PNISR: variants seen among roughly 807,000 people sequenced by gnomAD.
The protein encoded by PNISR is PNN interacting serine and arginine rich protein, also known as arginine/serine-rich protein PNISR.
In PNISR, 20 loss-of-function variants were observed where a neutral mutation model predicts 93.4. The ratio of observed to expected loss-of-function variants is 0.21; its 90% confidence interval spans 0.15 to 0.31. The LOEUF (loss-of-function observed/expected upper bound fraction) is 0.31. Among genes scored for constraint, PNISR ranks in the 10% least tolerant of loss-of-function variants. The pLI is 1.00. For missense variants in PNISR, 893 were observed against 985.4 expected (o/e 0.91, Z 1.25); for synonymous variants, 305 against 306.5 (o/e 0.99, Z 0.05).
intron 1 of PNISR, among the ~76,000 whole-genome samples, chr6:99,422,357 TACA>T (rs1367969076): frequency 6.6e-6 from 1 of 152,028 alleles, no homozygotes; most frequent in Non-Finnish European, 1.5e-5. Context: ...AGCCAGAAAA[TACA>T]ACAATCCTCT....
At chr6:99,416,861 T>A (rs1340615320) in intron 1 of PNISR, among the ~76,000 whole-genome samples, 1 of 152,236 alleles carries the variant, frequency 6.6e-6, no homozygotes, top group Non-Finnish European at 1.5e-5. Context: ...AGTTTGTTCC[T>A]GAAATGGTTT....
chr6:99,417,881 T>C (rs1163166372), intron 1 of PNISR, among the ~76,000 whole-genome samples: 2 of 150,364 alleles, frequency 1.3e-5, no homozygotes, highest in East Asian at 2.0e-4. Context: ...GACAGGAGAA[T>C]TGCTTGAATC....
At chr6:99,406,009 A>G in intron 8 of PNISR, 22 bp downstream of exon 8, 1 of 1,564,732 alleles carries the variant, frequency 6.4e-7, no homozygotes, top group Non-Finnish European at 8.7e-7. Flanking sequence ...CCATGTACAT[A>G]GTAAGAACTT....
Position 99,412,673 on chromosome 6 carries a change from C to A in PNISR, c.155G>T (p.Ser52Ile). The stretch of plus-strand genomic sequence containing the variant: ...CATTCCTGGTGGTTGTTCTACCATG[C>A]TTTGCTGTCCTGAAGCTTCTCTTTG... ...IAQREASGQQ[S>I]MVEQPPGMMP... Residue 52 changes from serine (S) to isoleucine (I), a missense_variant, in exon 4 of 12, where the codon AGC (serine) becomes ATC (isoleucine). Coordinates refer to ENST00000369239, the MANE Select transcript of PNISR (RefSeq NM_032870.4). The A allele has an allele frequency of 6.2e-7, 1 of 1,612,378 alleles. No individual in the cohort carries two copies. Among genetic ancestry groups the A allele is most frequent in the Non-Finnish European group, 8.5e-7 (1 of 1,179,206 alleles).
At position 99,413,422 on chromosome 6, in the gene PNISR, CCATCCATCCATCCATT is replaced by C. The variant is rs1312029352; in HGVS notation, c.89-699_89-684del. On this transcript the variant is annotated intron_variant, in intron 3 of 11. Coordinates refer to ENST00000369239, the MANE Select transcript of PNISR (RefSeq NM_032870.4). ...TCCATCCATCCATCCATCCATCCAT[CCATCCATCCATCCATT>C]CATCCATGATCCATCCATCCATCCA... Among the ~76,000 whole-genome samples the C allele has an allele frequency of 4.8e-4, 73 of 151,648 alleles. 2 individuals carry two copies. The highest frequency in any genetic ancestry group is 2.1e-4 in the South Asian group (1 of 4,810).
chr6:99,411,471 G>C (rs1418699221), intron 4 of PNISR, among the ~76,000 whole-genome samples: 3 of 152,148 alleles, frequency 2.0e-5, no homozygotes, highest in Non-Finnish European at 2.9e-5. Flanking sequence ...ATGCCCGCGG[G>C]AGTCATTTAA....
Position 99,410,806 on chromosome 6 carries a change from T to A in PNISR, c.436A>T (p.Asn146Tyr). Residue 146 changes from asparagine to tyrosine, a missense_variant, in exon 5 of 12, where the codon AAT becomes TAT. By Grantham distance (143) the Asn-to-Tyr change is moderately radical. This residue lies in a region of PNISR where 866 missense variants were observed against 935.1 expected (regional missense o/e 0.93). Coordinates refer to ENST00000369239, the MANE Select transcript of PNISR (RefSeq NM_032870.4). ...TCGGGTGGTCCACCAAAGTTGTGAT[T>A]GTTCTGGTTAAATATATGCCTGTTG... is the stretch of plus-strand genomic sequence containing the variant. The part of the protein sequence containing the change: ...PDNRHIFNQN[N>Y]HNFGGPPDNF... 6.2e-7 allele frequency: 1 copy of A among 1,614,142 alleles called. No homozygotes were observed. Among genetic ancestry groups the A allele is most frequent in the Non-Finnish European group, 8.5e-7 (1 of 1,180,006 alleles).
At chr6:99,413,932 A>G (rs1777320349) in intron 3 of PNISR, among the ~76,000 whole-genome samples, 1 of 152,228 alleles carries the variant, frequency 6.6e-6, no homozygotes, top group Admixed American at 6.5e-5. Context: ...GATTATGCTA[A>G]TTGTTTCAAA....
At chr6:99,417,117 A>G (rs1777803143) in intron 1 of PNISR, among the ~76,000 whole-genome samples, 1 of 152,236 alleles carries the variant, frequency 6.6e-6, no homozygotes, top group Admixed American at 6.5e-5. Context: ...AGTTCAATGC[A>G]TAATTTTTCT....
intron 9 of PNISR, chr6:99,404,175 G>T: frequency 2.5e-6 from 1 of 400,772 alleles, no homozygotes. Flanking sequence ...ACATTTTTAA[G>T]GTGTTACTAA....
In PNISR at chr6:99,401,633, G is replaced by A; in HGVS notation, c.1328-3C>T. The A allele has an allele frequency of 6.6e-7, 1 of 1,515,608 alleles. No homozygotes were observed. Among genetic ancestry groups the A allele is most frequent in the Non-Finnish European group, 8.8e-7 (1 of 1,137,820 alleles). The allele number at this position is 1,515,608 out of a possible 1,614,324, so 93.9% of individuals were successfully genotyped here. ...CCTTTCTGTTTGCTGCTTTTCTTCT[G>A]AAACAGAAAAAGACAAAAACACTAA... On this transcript the variant is annotated splice_polypyrimidine_tract_variant and splice_region_variant and intron_variant, in intron 11 of 11. Coordinates refer to ENST00000369239, the MANE Select transcript of PNISR (RefSeq NM_032870.4).
intron 1 of PNISR, among the ~76,000 whole-genome samples, chr6:99,422,476 T>A (rs576250939): frequency 2.6e-5 from 4 of 152,310 alleles, no homozygotes; most frequent in South Asian, 2.1e-4. Flanking sequence ...TAAAAATTAA[T>A]CTTGTAATCA....
chr6:99,413,511 C>T (rs1022229145), intron 3 of PNISR, among the ~76,000 whole-genome samples: 1 of 151,816 alleles, frequency 6.6e-6, no homozygotes, highest in African/African-American at 2.4e-5. Flanking sequence ...TTTTTGGTAG[C>T]GATGGGGTTT....
chr6:99,400,956 C>G lies in PNISR; in HGVS notation c.2002G>C (p.Glu668Gln). The change falls in exon 12 of 12, where the codon GAG (glutamate) becomes CAG (glutamine). Residue 668 changes from glutamate (E) to glutamine (Q), a missense_variant. Physicochemically the swap from Glu to Gln is conservative, Grantham distance 29. Coordinates refer to ENST00000369239, the MANE Select transcript of PNISR (RefSeq NM_032870.4). ...GEAKEQERKKERSRSIDKDRK... is the reference protein window; with the variant it reads ...GEAKEQERKKQRSRSIDKDRK... ...TCTTTATCTATACTTCGACTCCTCT[C>G]CTTTTTCCTCTCTTGTTCTTTAGCC... The G allele has an allele frequency of 6.3e-7, 1 of 1,596,884 alleles. No homozygotes were observed. The highest frequency in any genetic ancestry group is 1.1e-5 in the South Asian group (1 of 90,742).
Position 99,416,359 on chromosome 6 carries a change from C to G in PNISR, c.-42G>C. ...GCTATTTAAACTGACCTCAGAGGTTCACCTTCTGTTTAAAACTTAGGTTGA... is the reference window on the plus strand; with the variant it reads ...GCTATTTAAACTGACCTCAGAGGTTGACCTTCTGTTTAAAACTTAGGTTGA... On this transcript the variant is annotated 5_prime_UTR_variant, in exon 2 of 12. Transcript: ENST00000369239. 1 of 1,166,234 alleles carries G rather than the reference C, an allele frequency of 8.6e-7. No homozygotes were observed. Among genetic ancestry groups the G allele is most frequent in the African/African-American group, 1.6e-5 (1 of 63,300 alleles). The allele number at this position is 1,166,234 out of a possible 1,614,324, so 72.2% of individuals were successfully genotyped here. A position where few individuals can be genotyped will look rare whatever the true frequency, so the allele number is the denominator to read the frequency against.
At chr6:99,402,788 A>T in intron 10 of PNISR, 78 bp from the exon 11 acceptor site, 2 of 1,086,588 alleles carry the variant, frequency 1.8e-6, no homozygotes. Context: ...CTGAGAAGAA[A>T]GTTCATTTCT....
Position 99,401,225 on chromosome 6 carries a change from C to T in PNISR, c.1733G>A (p.Arg578His), listed in dbSNP as rs750505657. The change falls in exon 12 of 12, where the codon CGC becomes CAC. Residue 578 changes from arginine to histidine, a missense_variant. Physicochemically the swap from Arg to His is conservative, Grantham distance 29. Around this residue, in one of 3 missense-constraint regions of PNISR, gnomAD observed 866 missense variants for 935.1 expected, o/e 0.93. Coordinates refer to ENST00000369239, the MANE Select transcript of PNISR (RefSeq NM_032870.4). ...ARRSRSRSYS[R>H]RIKIESNRAR... ...CCTATTGCTCTCTATTTTAATTCTG[C>T]GAGAATAGCTTCTACTCCTGCTACG... 12 of 1,613,668 alleles carry T rather than the reference C, an allele frequency of 7.4e-6. No homozygotes were observed. The highest frequency in any genetic ancestry group is 4.4e-5 in the South Asian group (4 of 91,046).
chr6:99,408,124 G>T lies in PNISR; in HGVS notation c.821C>A (p.Ala274Asp). 6.2e-7 allele frequency: 1 copy of T among 1,610,826 alleles called. No homozygotes were observed. The highest frequency in any genetic ancestry group is 8.5e-7 in the Non-Finnish European group (1 of 1,179,108). Reference sequence around the variant, plus strand: ...TAAACGAGGGCCATCCCCTCCTTCAGCATCTTCTGTGGCCTTTTTTTCTTT... The same window carrying T: ...TAAACGAGGGCCATCCCCTCCTTCATCATCTTCTGTGGCCTTTTTTTCTTT... ...SKKEKKATED[A>D]EGGDGPRLPQ... The change falls in exon 7 of 12, where the codon GCT (alanine) becomes GAT (aspartate). Residue 274 changes from alanine to aspartate, a missense_variant. Ala to Asp is a moderately radical substitution (Grantham distance 126, BLOSUM62 -2). Around this residue, in one of 3 missense-constraint regions of PNISR, gnomAD observed 866 missense variants for 935.1 expected, o/e 0.93. Coordinates refer to ENST00000369239, the MANE Select transcript of PNISR (RefSeq NM_032870.4).
At chr6:99,419,152 CAAAAAAAAAAAAAAAAA>C (rs1166838873) in intron 1 of PNISR, among the ~76,000 whole-genome samples, 6 of 19,804 alleles carry the variant, frequency 3.0e-4, no homozygotes, top group Admixed American at 1.1e-3. Flanking sequence ...GACTCCGTCT[CAAAAAAAAAAAAAAAAA>C]AAAAAAAAAA....
Sources: gnomAD v4.1 joint callset for allele counts (sites outside exome capture counted in the v4.1 genomes callset) on GRCh38, gnomAD v4.1.1 for gene constraint, gnomAD v4.1.1 regional missense constraint, MANE v1.5 for transcripts, NCBI Gene and HGNC (gene_info 2026-07-23, HGNC 2026-07-21) for gene names.